Variants in CDK5RAP1 observed in about 807,000 individuals in gnomAD.
The protein encoded by CDK5RAP1 is mitochondrial tRNA methylthiotransferase CDK5RAP1.
A neutral mutation model predicts 64.5 loss-of-function variants in CDK5RAP1; 62 were observed. That is an observed-to-expected ratio of 0.96 (90% CI 0.78 to 1.19). The LOEUF (loss-of-function observed/expected upper bound fraction) is 1.19. Among genes scored for constraint, CDK5RAP1 ranks in the 50% most tolerant of loss-of-function variants. The pLI is 0.00. For synonymous variants in CDK5RAP1, 250 were observed against 261.9 expected, an observed-to-expected ratio of 0.95 and a Z score of 0.44; for missense variants, 657 against 735.0, an observed-to-expected ratio of 0.89 and a Z score of 1.23.
At chr20:33,375,984 A>G (rs1212551597) in intron 8 of CDK5RAP1, among the ~76,000 whole-genome samples, 1 of 152,180 alleles carries the variant, frequency 6.6e-6, no homozygotes, top group Admixed American at 6.5e-5. Context: ...CAGCGTCCCA[A>G]GTAACTACGA....
At chr20:33,381,699 ATT>A (rs1419016917) in intron 7 of CDK5RAP1, among the ~76,000 whole-genome samples, 1 of 152,146 alleles carries the variant, frequency 6.6e-6, no homozygotes, top group African/African-American at 2.4e-5. Flanking sequence ...AAATGCTAGG[ATT>A]ACAGGTGTGA....
Position 33,392,227 on chromosome 20 carries a change from C to G in CDK5RAP1, c.459G>C (p.Gln153His). The change falls in exon 5 of 14, where the codon CAG becomes CAC. Residue 153 changes from glutamine (Q) to histidine (H), a missense_variant. By Grantham distance (24) the Gln-to-His change is conservative (BLOSUM62 0). Coordinates refer to ENST00000346416, the MANE Select transcript of CDK5RAP1 (RefSeq NM_016408.4). ...GCTGATGTAAACGGTTCCAGATGGTCTGCTCAGCCTTCTCCCTAGAGAGAT... is the reference window on the plus strand; with the variant it reads ...GCTGATGTAAACGGTTCCAGATGGTGTGCTCAGCCTTCTCCCTAGAGAGAT... ...VTCSIREKAEQTIWNRLHQLK... is the reference protein window; with the variant it reads ...VTCSIREKAEHTIWNRLHQLK... 6.2e-7 allele frequency: 1 copy of G among 1,613,066 alleles called. No homozygotes were observed. The highest frequency in any genetic ancestry group is 8.5e-7 in the Non-Finnish European group (1 of 1,179,088).
intron 5 of CDK5RAP1, among the ~76,000 whole-genome samples, chr20:33,387,767 G>GA (rs770146401): frequency 1.8e-4 from 27 of 152,002 alleles, no homozygotes; most frequent in Non-Finnish European, 3.7e-4. Flanking sequence ...TAAATGCCCA[G>GA]AAAAAAATTA....
intron 12 of CDK5RAP1, among the ~76,000 whole-genome samples, chr20:33,364,487 C>A (rs563609063): frequency 5.9e-5 from 9 of 151,810 alleles, no homozygotes; most frequent in African/African-American, 2.2e-4. Context: ...GCGCCTGGCC[C>A]GAAGAAGTAT....
chr20:33,372,042 T>C (rs942744981), intron 10 of CDK5RAP1, among the ~76,000 whole-genome samples: 6 of 152,194 alleles, frequency 3.9e-5, no homozygotes, highest in Admixed American at 1.3e-4. Flanking sequence ...TCAAGACTTC[T>C]CTGAAGCATA....
In CDK5RAP1 at chr20:33,360,397, G is replaced by C. The variant is rs745867001; in HGVS notation, c.1637C>G (p.Pro546Arg). The C allele has an allele frequency of 1.2e-6, 2 of 1,614,096 alleles. No individual in the cohort carries two copies. The highest frequency in any genetic ancestry group is 1.7e-6 in the Non-Finnish European group (2 of 1,179,976). ...AGGCTGGGCTCTGACCCTGAGCCCA[G>C]GGTTATTGACATCCTCCATCTCTGC... ...PDAEMEDVNN[P>R]GLRVRAQPGD... The change falls in exon 13 of 14, where the codon CCT (proline) becomes CGT (arginine). Residue 546 changes from proline to arginine, a missense_variant. Pro to Arg is a moderately radical substitution (Grantham distance 103, BLOSUM62 -2). Coordinates refer to ENST00000346416, the MANE Select transcript of CDK5RAP1 (RefSeq NM_016408.4).
At chr20:33,364,699 C>T (rs939101244) in intron 12 of CDK5RAP1, among the ~76,000 whole-genome samples, 4 of 151,620 alleles carry the variant, frequency 2.6e-5, no homozygotes, top group Non-Finnish European at 4.4e-5. Context: ...CTCAGCCTCC[C>T]GAGTAACTGG....
At chr20:33,372,149 TTAAAG>T (rs1985132022) in intron 10 of CDK5RAP1, among the ~76,000 whole-genome samples, 1 of 152,044 alleles carries the variant, frequency 6.6e-6, no homozygotes, top group South Asian at 2.1e-4. Flanking sequence ...CATATTATGC[TTAAAG>T]TATTCTAACT....
intron 11 of CDK5RAP1, 120 bp downstream of exon 11, chr20:33,370,379 A>G: frequency 1.0e-6 from 1 of 980,110 alleles, no homozygotes; most frequent in East Asian, 2.4e-5. Context: ...GTGAATCGTA[A>G]GAGCCTGTGG....
At chr20:33,381,530 G>A (rs1205763105) in intron 7 of CDK5RAP1, among the ~76,000 whole-genome samples, 1 of 152,036 alleles carries the variant, frequency 6.6e-6, no homozygotes, top group Non-Finnish European at 1.5e-5. Context: ...AGGTTCAAGC[G>A]ATTCTCCTGC....
chr20:33,394,123 T>A, intron 3 of CDK5RAP1, 57 bp from the exon 4 acceptor site: 1 of 1,190,630 alleles, frequency 8.4e-7, no homozygotes, highest in Non-Finnish European at 1.3e-6. Context: ...ATATTAGCCT[T>A]GTACAATTCC....
chr20:33,394,973 C>T (rs911422890), intron 3 of CDK5RAP1, 40 bp downstream of exon 3: 1 of 1,258,206 alleles, frequency 7.9e-7, no homozygotes, highest in South Asian at 1.2e-5. Context: ...CAGAATCTTG[C>T]CCAGGTCCAG....
chr20:33,398,768 T>C (rs1989127593), intron 1 of CDK5RAP1, among the ~76,000 whole-genome samples: 1 of 151,540 alleles, frequency 6.6e-6, no homozygotes, highest in South Asian at 2.1e-4. Context: ...TCTATAAAAA[T>C]AACAAAAAAT....
chr20:33,370,454 A>G (rs1420806466), intron 11 of CDK5RAP1, 45 bp downstream of exon 11: 1 of 1,608,270 alleles, frequency 6.2e-7, no homozygotes, highest in Non-Finnish European at 8.5e-7. Context: ...ACCACCCCCA[A>G]ACTGGTCAGG....
chr20:33,365,282 G>GT (rs1416163275), intron 12 of CDK5RAP1, among the ~76,000 whole-genome samples: 7 of 151,342 alleles, frequency 4.6e-5, no homozygotes, highest in East Asian at 2.0e-4. Context: ...GTTTATTTGG[G>GT]TTTTTTTGAA....
chr20:33,397,160 T>G, intron 1 of CDK5RAP1, 76 bp from the exon 2 acceptor site: 1 of 1,062,706 alleles, frequency 9.4e-7, no homozygotes, highest in Non-Finnish European at 1.3e-6. Flanking sequence ...ACTTCAAGTG[T>G]ATACATCTAT....
In CDK5RAP1 at chr20:33,392,185, T is replaced by A. The variant is rs776488215; in HGVS notation, c.501A>T (p.Thr167=). The part of the protein sequence containing the change: ...NRLHQLKALK[T]RRPRSRVPLR... ...GAGGAACCCGGGAGCGGGGCCGCCT[T>A]GTCTTCAAGGCTTTAAGCTGATGTA... The change falls in exon 5 of 14, where the codon ACA becomes ACT. Residue 167 remains threonine (T), a synonymous_variant. Coordinates refer to ENST00000346416, the MANE Select transcript of CDK5RAP1 (RefSeq NM_016408.4). The A allele has an allele frequency of 1.2e-6, 2 of 1,613,990 alleles. No homozygotes were observed. Among genetic ancestry groups the A allele is most frequent in the East Asian group, 2.2e-5 (1 of 44,886 alleles).
intron 4 of CDK5RAP1, among the ~76,000 whole-genome samples, chr20:33,393,239 T>C (rs1988527635): frequency 6.6e-6 from 1 of 152,064 alleles, no homozygotes; most frequent in South Asian, 2.1e-4. Context: ...CAGGCTGGTC[T>C]TGAATAGTTC....
chr20:33,368,614 T>C (rs933778566), intron 11 of CDK5RAP1, among the ~76,000 whole-genome samples: 2 of 152,016 alleles, frequency 1.3e-5, no homozygotes, highest in African/African-American at 2.4e-5. Context: ...GGCTCATGCC[T>C]GTAATCCCAG....
Sources: gnomAD v4.1 joint callset for allele counts (sites outside exome capture counted in the v4.1 genomes callset) on GRCh38, gnomAD v4.1.1 for gene constraint, MANE v1.5 for transcripts, NCBI Gene and HGNC (gene_info 2026-07-23, HGNC 2026-07-21) for gene names.